The following CHSY3 variants were observed in gnomAD, a reference collection of about 807,000 sequenced individuals.
CHSY3 encodes the protein chondroitin sulfate synthase 3.
CHSY3 carries 35 observed loss-of-function variants against 67.2 expected under a neutral mutation model. The ratio of observed to expected loss-of-function variants is 0.52; its 90% CI spans 0.40 to 0.69. The LOEUF is 0.69. CHSY3 is among the 30% of genes least tolerant of loss of function. The pLI, the probability that CHSY3 is intolerant of heterozygous loss-of-function variation, is 0.00. For missense variants in CHSY3, 1,069 were observed against 1,138.5 expected (o/e 0.94, Z 0.88); for synonymous variants, 474 against 434.7 (o/e 1.09, Z -1.12).
rs375709584 is a variant in CHSY3 at position 130,166,111 on chromosome 5, A to G, written c.1087-18118A>G. Among the ~76,000 whole-genome samples the G allele has an allele frequency of 8.8e-4, 134 of 152,292 alleles. 2 individuals carry two copies. The South Asian group carries it at 0.019, about 22-fold the overall frequency. On this transcript the variant is annotated intron_variant, in intron 2 of 2. Coordinates refer to ENST00000305031, the MANE Select transcript of CHSY3 (RefSeq NM_175856.5). ...GCTTCTTTATAAAATATAGTTATTT[A>G]GCTCATTGATTGTACTAATTATAGT...
chr5:130,150,461 A>T (rs1306820575), intron 2 of CHSY3, among the ~76,000 whole-genome samples: 13 of 152,312 alleles, frequency 8.5e-5, no homozygotes, highest in African/African-American at 2.9e-4. Flanking sequence ...AAAATGAAAA[A>T]ATGTAAATAG....
At chr5:129,959,370 T>C (rs972178080) in intron 2 of CHSY3, among the ~76,000 whole-genome samples, 4 of 152,096 alleles carry the variant, frequency 2.6e-5, no homozygotes, top group Admixed American at 2.6e-4. Flanking sequence ...TCACATTTCC[T>C]ATAGCTACCT....
At chr5:130,134,383 A>G (rs150866259) in intron 2 of CHSY3, among the ~76,000 whole-genome samples, 1 of 151,684 alleles carries the variant, frequency 6.6e-6, no homozygotes, top group East Asian at 1.9e-4. Context: ...GTAGCACACA[A>G]AAAAAGTTTA....
chr5:130,087,509 T>A (rs1386787956), intron 2 of CHSY3, among the ~76,000 whole-genome samples: 2 of 151,520 alleles, frequency 1.3e-5, no homozygotes, highest in East Asian at 3.9e-4. Flanking sequence ...GATAAGCAAC[T>A]TCAGCAAAAT....
intron 2 of CHSY3, among the ~76,000 whole-genome samples, chr5:129,981,723 T>G (rs1762990633): frequency 6.6e-6 from 1 of 152,098 alleles, no homozygotes. Context: ...CTTGTCTTAG[T>G]AGAGTCCCAG....
intron 2 of CHSY3, among the ~76,000 whole-genome samples, chr5:129,927,006 A>G (rs1204883828): frequency 2.0e-5 from 3 of 151,990 alleles, no homozygotes; most frequent in Non-Finnish European, 4.4e-5. Context: ...GACCTAATGA[A>G]TCATAGTGTA....
chr5:130,118,501 GTA>G (rs572879814), intron 2 of CHSY3, among the ~76,000 whole-genome samples: 77 of 140,498 alleles, frequency 5.5e-4, no homozygotes, highest in East Asian at 2.2e-3. Context: ...GTGTGTGTGT[GTA>G]TATATATATA....
chr5:130,077,199 A>G (rs1423805306), intron 2 of CHSY3, among the ~76,000 whole-genome samples: 2 of 152,080 alleles, frequency 1.3e-5, no homozygotes, highest in Admixed American at 6.6e-5. Context: ...AATGGTGCCC[A>G]CATGTGGCCA....
chr5:130,123,740 A>G (rs1768135725), intron 2 of CHSY3, among the ~76,000 whole-genome samples: 1 of 152,166 alleles, frequency 6.6e-6, no homozygotes, highest in Admixed American at 6.5e-5. Context: ...AGAGACAGAG[A>G]CAGTGATGAC....
chr5:130,040,734 T>C (rs1483107356), intron 2 of CHSY3, among the ~76,000 whole-genome samples: 1 of 152,102 alleles, frequency 6.6e-6, no homozygotes, highest in Non-Finnish European at 1.5e-5. Flanking sequence ...GTCAAACACC[T>C]AAATGAACAG....
chr5:130,122,723 C>T (rs960363762), intron 2 of CHSY3, among the ~76,000 whole-genome samples: 3 of 151,958 alleles, frequency 2.0e-5, no homozygotes, highest in Non-Finnish European at 4.4e-5. Flanking sequence ...TTTGGTTTGC[C>T]TAAATATTTA....
chr5:130,055,744 G>A (rs1765511468), intron 2 of CHSY3, among the ~76,000 whole-genome samples: 1 of 152,016 alleles, frequency 6.6e-6, no homozygotes, highest in South Asian at 2.1e-4. Flanking sequence ...AAGCACTGTG[G>A]TGGGAAGGGA....
intron 1 of CHSY3, chr5:129,905,970 T>C: frequency 3.2e-6 from 1 of 312,886 alleles, no homozygotes; most frequent in Non-Finnish European, 5.8e-6. Flanking sequence ...ATTCCCACTC[T>C]GCCCTCCTCT....
intron 2 of CHSY3, among the ~76,000 whole-genome samples, chr5:130,097,732 G>C (rs547618653): frequency 2.0e-5 from 3 of 152,288 alleles, no homozygotes; most frequent in Admixed American, 1.3e-4. Context: ...GGCAGGACGC[G>C]GTGGCTCACG....
chr5:130,119,129 T>C (rs1294361163), intron 2 of CHSY3, among the ~76,000 whole-genome samples: 1 of 152,166 alleles, frequency 6.6e-6, no homozygotes, highest in Non-Finnish European at 1.5e-5. Flanking sequence ...TCAAACCCTC[T>C]CATTGTACAG....
intron 2 of CHSY3, among the ~76,000 whole-genome samples, chr5:130,050,837 C>G (rs1371361493): frequency 6.6e-6 from 1 of 152,120 alleles, no homozygotes; most frequent in African/African-American, 2.4e-5. Flanking sequence ...TTACCACATT[C>G]AGCTACACAT....
intron 2 of CHSY3, among the ~76,000 whole-genome samples, chr5:130,150,962 C>T (rs1769217320): frequency 6.6e-6 from 1 of 152,094 alleles, no homozygotes; most frequent in African/African-American, 2.4e-5. Flanking sequence ...CCTGTCCATT[C>T]CCTTTAGATC....
At chr5:130,162,859 A>C (rs1769599254) in intron 2 of CHSY3, among the ~76,000 whole-genome samples, 1 of 152,224 alleles carries the variant, frequency 6.6e-6, no homozygotes, top group Non-Finnish European at 1.5e-5. Context: ...CAAATGGAAT[A>C]AATTACATAG....
intron 2 of CHSY3, among the ~76,000 whole-genome samples, chr5:129,973,478 T>C (rs529503687): frequency 1.2e-3 from 179 of 152,292 alleles, no homozygotes; most frequent in Non-Finnish European, 2.2e-3. Flanking sequence ...AAAATGTTTC[T>C]TTTTGAATTG....
Sources: gnomAD v4.1 joint callset for allele counts (sites outside exome capture counted in the v4.1 genomes callset) on GRCh38, gnomAD v4.1.1 for gene constraint, MANE v1.5 for transcripts, NCBI Gene and HGNC (gene_info 2026-07-23, HGNC 2026-07-21) for gene names.